IRAG1: variants seen among roughly 807,000 people sequenced by gnomAD.
The protein encoded by IRAG1 is inositol 1,4,5-triphosphate receptor associated 1, also known as IP3R-associated cGMP kinase substrate.
IRAG1 carries 62 observed loss-of-function variants against 106.2 expected under a neutral mutation model. That is an observed-to-expected ratio of 0.58 (90% CI 0.48 to 0.72). The LOEUF is 0.72. Among genes scored for constraint, IRAG1 ranks in the 30% least tolerant of loss-of-function variants. The pLI is 0.00. For missense variants in IRAG1, 1,064 were observed against 1,140.7 expected (o/e 0.93, Z 0.97); for synonymous variants, 462 against 443.9 (o/e 1.04, Z -0.51).
chr11:10,648,894 G>A (rs781151858), intron 2 of IRAG1, among the ~76,000 whole-genome samples: 5 of 152,120 alleles, frequency 3.3e-5, no homozygotes, highest in South Asian at 2.1e-4. Context: ...AGAAGGCCTC[G>A]GCTAGTGCTC....
chr11:10,609,450 G>C (rs896594701), intron 11 of IRAG1, among the ~76,000 whole-genome samples: 5 of 152,118 alleles, frequency 3.3e-5, no homozygotes, highest in South Asian at 4.1e-4. Flanking sequence ...ATGTCTCCTG[G>C]CTCAAAGCCC....
At position 10,657,726 on chromosome 11, in the gene IRAG1, C is replaced by G. The variant is rs1859030626; in HGVS notation, c.68-5544G>C. ...CACGGGTCTATCTCTAGATGGACAA[C>G]TGATGGGGGGAATTGTTGGGGGTGA... On this transcript the variant is annotated intron_variant, in intron 1 of 20. Coordinates refer to ENST00000423302, the MANE Select transcript of IRAG1 (RefSeq NM_130385.4). This position sits in a 1 kb window ranked among gnomAD's most constrained non-coding sequence, Gnocchi z 4.1. Among the ~76,000 whole-genome samples the G allele has an allele frequency of 6.6e-6, 1 of 152,094 alleles. No homozygotes were observed. The highest frequency in any genetic ancestry group is 1.5e-5 in the Non-Finnish European group (1 of 68,022).
chr11:10,646,608 C>T (rs1857966852), intron 2 of IRAG1, among the ~76,000 whole-genome samples: 1 of 152,144 alleles, frequency 6.6e-6, no homozygotes, highest in Admixed American at 6.5e-5. Flanking sequence ...AGAGCACACT[C>T]CAACCACATC....
intron 1 of IRAG1, among the ~76,000 whole-genome samples, chr11:10,666,994 G>A (rs907690563): frequency 2.0e-5 from 3 of 152,218 alleles, no homozygotes; most frequent in African/African-American, 2.4e-5. Context: ...TCCTTAGGTC[G>A]GCTCAGACAC....
intron 10 of IRAG1, chr11:10,611,464 A>C (rs1321216702): frequency 6.6e-6 from 1 of 152,218 alleles, no homozygotes; most frequent in African/African-American, 2.4e-5. Flanking sequence ...AGTGAAATGC[A>C]TATCAGGGTT....
At chr11:10,593,414 C>A in intron 17 of IRAG1, 78 bp downstream of exon 17, 5 of 1,264,724 alleles carry the variant, frequency 4.0e-6, no homozygotes, top group Middle Eastern at 2.2e-4. Flanking sequence ...TTTGGTCACC[C>A]TCCCTGCCCT....
rs773808004 is a variant in IRAG1 at position 10,647,484 on chromosome 11, G to A, written c.225+4541C>T. ...CAGGGGAGGTGGTAGCTGGGTGCTG[G>A]AATGGGTGATATGAAGAGGTGAAGT... is the stretch of plus-strand genomic sequence containing the variant. On this transcript the variant is annotated intron_variant, in intron 2 of 20. Coordinates refer to ENST00000423302, the MANE Select transcript of IRAG1 (RefSeq NM_130385.4). This position sits in a 1 kb window ranked among gnomAD's most constrained non-coding sequence, Gnocchi z 4.3. Among the ~76,000 whole-genome samples the A allele has an allele frequency of 1.3e-5, 2 of 152,202 alleles. No homozygotes were observed. The highest frequency in any genetic ancestry group is 2.9e-5 in the Non-Finnish European group (2 of 68,038).
intron 9 of IRAG1, among the ~76,000 whole-genome samples, chr11:10,624,902 G>A (rs1166653573): frequency 1.3e-5 from 2 of 152,276 alleles, no homozygotes; most frequent in Admixed American, 6.5e-5. Flanking sequence ...CCTGGCTATC[G>A]GCCCCTTGGC....
chr11:10,589,859 G>C, intron 18 of IRAG1, among the ~76,000 whole-genome samples: 1 of 152,136 alleles, frequency 6.6e-6, no homozygotes, highest in Non-Finnish European at 1.5e-5. Context: ...CTCCAATTTT[G>C]TACCTCAGTT....
At chr11:10,636,500 A>T (rs1236365995) in intron 2 of IRAG1, among the ~76,000 whole-genome samples, 2 of 152,206 alleles carry the variant, frequency 1.3e-5, no homozygotes, top group African/African-American at 4.8e-5. Context: ...TAAATGTGCT[A>T]AGCATCTAGC....
At chr11:10,648,753 AT>A in intron 2 of IRAG1, among the ~76,000 whole-genome samples, 1 of 152,250 alleles carries the variant, frequency 6.6e-6, no homozygotes, top group South Asian at 2.1e-4. Flanking sequence ...GCAGCTTCTG[AT>A]TAAGGACCTG....
rs1436355445 is a variant in IRAG1, at chr11:10,593,759, G to A, written c.2068-160C>T. 14 of 621,932 alleles carry A rather than the reference G, an allele frequency of 2.3e-5. No individual in the cohort carries two copies. In the East Asian group the frequency reaches 2.3e-4, roughly 10 times the overall value. 38.5% of individuals were successfully genotyped at this position (621,932 alleles called of 1,614,324 possible). On this transcript the variant is annotated intron_variant, in intron 16 of 20. Coordinates refer to ENST00000423302, the MANE Select transcript of IRAG1 (RefSeq NM_130385.4). The stretch of plus-strand genomic sequence containing the variant: ...TGATAGAATTGGTGTGGAGAGAGTG[G>A]CCAAAGTTGACCCAAATTTTCTGTT...
At chr11:10,601,968 A>C (rs1854063298) in intron 14 of IRAG1, among the ~76,000 whole-genome samples, 1 of 152,194 alleles carries the variant, frequency 6.6e-6, no homozygotes, top group East Asian at 1.9e-4. Flanking sequence ...AATGAGAACA[A>C]TTTCTCTCTG....
chr11:10,688,107 A>G (rs919830095), intron 1 of IRAG1, among the ~76,000 whole-genome samples: 1 of 151,790 alleles, frequency 6.6e-6, no homozygotes, highest in Non-Finnish European at 1.5e-5. Flanking sequence ...AAAAAAAAAA[A>G]GTGAAATCTG....
intron 11 of IRAG1, 75 bp from the exon 12 acceptor site, chr11:10,606,847 G>A: frequency 2.1e-6 from 3 of 1,397,386 alleles, no homozygotes; most frequent in Non-Finnish European, 2.9e-6. Context: ...TGAATGACCA[G>A]CAGACCATGT....
rs1850766063 is a variant in IRAG1, at chr11:10,575,421, G to A, written c.*911C>T. 1.3e-5 allele frequency: 2 copies of A among 152,234 alleles called. No individual in the cohort carries two copies. The highest frequency in any genetic ancestry group is 2.9e-5 in the Non-Finnish European group (2 of 68,028). 9.4% of individuals were successfully genotyped at this position (152,234 alleles called of 1,614,324 possible). ...AGATTGTGCTGTACAGCAGCTCAGA[G>A]TTGGCATTTGAAATGGAGACTAGTA... On this transcript the variant is annotated 3_prime_UTR_variant, in exon 21 of 21. Transcript: ENST00000423302.
In IRAG1 at chr11:10,576,418, G is replaced by T; in HGVS notation, c.2653C>A (p.Pro885Thr). The T allele has an allele frequency of 1.2e-6, 2 of 1,613,946 alleles. No homozygotes were observed. Among genetic ancestry groups the T allele is most frequent in the Non-Finnish European group, 1.7e-6 (2 of 1,179,896 alleles). The change falls in exon 21 of 21, where the codon CCC (proline) becomes ACC (threonine). Residue 885 changes from proline to threonine, a missense_variant. Pro to Thr is a conservative substitution (Grantham distance 38, BLOSUM62 -1). Transcript: ENST00000423302. Reference sequence around the variant, plus strand: ...GCCGAGCAAGTGGATCTTCCAAGGGGCCCATCAGCCTGCTCTGCACAAGAG... The same window carrying T: ...GCCGAGCAAGTGGATCTTCCAAGGGTCCCATCAGCCTGCTCTGCACAAGAG... ...YNSCAEQADG[P>T]LGRSTCSAAQ... is the part of the protein sequence containing the mutation.
At chr11:10,613,231 A>G (rs927895616) in intron 10 of IRAG1, among the ~76,000 whole-genome samples, 2 of 149,688 alleles carry the variant, frequency 1.3e-5, no homozygotes, top group African/African-American at 4.9e-5. Flanking sequence ...AGACCGCATC[A>G]TGTTAAAAAA....
intron 15 of IRAG1, among the ~76,000 whole-genome samples, chr11:10,594,583 A>C (rs1853066192): frequency 1.3e-5 from 2 of 151,538 alleles, no homozygotes; most frequent in African/African-American, 4.9e-5. Flanking sequence ...ACTATGAGCA[A>C]GGAAGGTGTG....
Sources: allele counts gnomAD v4.1 joint callset (sites outside exome capture counted in the v4.1 genomes callset), GRCh38; gene constraint gnomAD v4.1.1; non-coding constraint Gnocchi (gnomAD v3.1); transcripts MANE v1.5; gene names NCBI Gene and HGNC (gene_info 2026-07-23, HGNC 2026-07-21).